GPHN: variants seen among roughly 807,000 people sequenced by gnomAD.
The protein encoded by GPHN is gephyrin.
A neutral mutation model predicts 95.5 loss-of-function variants in GPHN; 17 were observed. The observed-to-expected ratio is 0.18, with a 90% confidence interval of 0.12 to 0.27. The LOEUF (loss-of-function observed/expected upper bound fraction) is 0.27, where lower values mean the gene tolerates loss of function less well. Ranked by LOEUF, GPHN falls within the 10% of genes least tolerant of loss-of-function variation. GPHN has a pLI of 1.00. For missense variants in GPHN, 660 were observed against 978.1 expected, an observed-to-expected ratio of 0.67 and a Z score of 4.34; for synonymous variants, 320 against 322.5, an observed-to-expected ratio of 0.99 and a Z score of 0.08.
the GPHN span, chr14:67,383,462 A>G: frequency 9.3e-6 from 15 of 1,611,176 alleles, no homozygotes; most frequent in Admixed American, 1.7e-5. Flanking sequence ...ACAGAGTCCA[A>G]TTTAAGGAAC....
At chr14:66,612,287 T>C (rs2153284404) in intron 1 of GPHN, among the ~76,000 whole-genome samples, 1 of 152,114 alleles carries the variant, frequency 6.6e-6, no homozygotes, top group East Asian at 1.9e-4. Context: ...TTTAATTTTT[T>C]TGTATTTATT....
At chr14:67,260,155 C>T in the GPHN span, among the ~76,000 whole-genome samples, 1 of 152,152 alleles carries the variant, frequency 6.6e-6, no homozygotes, top group Non-Finnish European at 1.5e-5. Context: ...TAGGTTTAAG[C>T]GCCAGCTCTC....
chr14:66,514,764 G>C (rs1012189474), intron 1 of GPHN, among the ~76,000 whole-genome samples: 3 of 151,970 alleles, frequency 2.0e-5, no homozygotes, highest in Admixed American at 6.6e-5. Flanking sequence ...CACAGCTCAG[G>C]ACTGACTTTG....
chr14:66,959,177 T>C (rs569836039), intron 8 of GPHN, among the ~76,000 whole-genome samples: 1 of 152,292 alleles, frequency 6.6e-6, no homozygotes, highest in Non-Finnish European at 1.5e-5. Context: ...AGATCTATAA[T>C]CATTGCTTTA....
At chr14:67,598,732 C>CA in the GPHN span, among the ~76,000 whole-genome samples, 11 of 103,804 alleles carry the variant, frequency 1.1e-4, no homozygotes, top group Non-Finnish European at 1.8e-4. Context: ...TTTTTTGAGA[C>CA]AGAGTCTCCC....
the GPHN span, chr14:67,695,917 A>G: frequency 3.5e-6 from 2 of 575,262 alleles, no homozygotes; most frequent in Non-Finnish European, 6.2e-6. Context: ...CTAATCCCCA[A>G]CCATCTAGGG....
chr14:67,343,478 T>A, the GPHN span: 1 of 1,358,236 alleles, frequency 7.4e-7, no homozygotes, highest in Non-Finnish European at 1.1e-6. Context: ...CACAAAGTCT[T>A]CCTAATCATT....
chr14:67,555,860 G>A, the GPHN span: 1 of 1,613,608 alleles, frequency 6.2e-7, no homozygotes, highest in South Asian at 1.1e-5. Flanking sequence ...TGGAGGCAGA[G>A]CAGAGAGCAG....
chr14:67,701,206 A>G, the GPHN span, among the ~76,000 whole-genome samples: 4 of 151,952 alleles, frequency 2.6e-5, no homozygotes, highest in Admixed American at 2.0e-4. Flanking sequence ...ATTTTTTGAG[A>G]TATAAATTTG....
the GPHN span, among the ~76,000 whole-genome samples, chr14:67,234,637 C>G: frequency 5.2e-3 from 784 of 152,172 alleles, 9 homozygotes; most frequent in African/African-American, 0.018. Context: ...GCAACTTCCT[C>G]CCACTGGGTT....
At chr14:66,935,345 T>C (rs1318368830) in intron 8 of GPHN, among the ~76,000 whole-genome samples, 5 of 152,038 alleles carry the variant, frequency 3.3e-5, no homozygotes, top group African/African-American at 1.2e-4. Context: ...GAACATCTAC[T>C]GATTGCCCTG....
chr14:66,914,965 G>C (rs182642461), intron 5 of GPHN, among the ~76,000 whole-genome samples: 5 of 152,154 alleles, frequency 3.3e-5, no homozygotes, highest in Admixed American at 2.0e-4. Context: ...AAGATTAAAG[G>C]TCAGAAAATA....
intron 3 of GPHN, among the ~76,000 whole-genome samples, chr14:66,784,201 A>G (rs1016717681): frequency 1.3e-5 from 2 of 152,236 alleles, no homozygotes; most frequent in Non-Finnish European, 2.9e-5. Flanking sequence ...TGAAAATTAT[A>G]GAACTGAGAA....
At chr14:67,425,508 A>G in the GPHN span, among the ~76,000 whole-genome samples, 1 of 152,046 alleles carries the variant, frequency 6.6e-6, no homozygotes, top group Non-Finnish European at 1.5e-5. Flanking sequence ...CCAGCACTGC[A>G]TTCCAGCCTG....
At chr14:66,964,119 T>C (rs1255579823) in intron 8 of GPHN, among the ~76,000 whole-genome samples, 1 of 152,160 alleles carries the variant, frequency 6.6e-6, no homozygotes, top group Non-Finnish European at 1.5e-5. Flanking sequence ...ATAATCAACA[T>C]ATATTAATAA....
chr14:67,072,857 A>G (rs1232436569), intron 11 of GPHN, among the ~76,000 whole-genome samples: 1 of 151,890 alleles, frequency 6.6e-6, no homozygotes, highest in African/African-American at 2.4e-5. Flanking sequence ...TGATTTGGTA[A>G]TACTGTTGCA....
intron 9 of GPHN, among the ~76,000 whole-genome samples, chr14:66,994,995 A>C (rs1214064182): frequency 6.6e-6 from 1 of 152,196 alleles, no homozygotes; most frequent in Non-Finnish European, 1.5e-5. Context: ...TTGGCACTGG[A>C]AATACAGTTA....
At chr14:66,637,322 C>A (rs1215462618) in intron 1 of GPHN, among the ~76,000 whole-genome samples, 12 of 151,992 alleles carry the variant, frequency 7.9e-5, no homozygotes, top group Admixed American at 7.9e-4. Context: ...AGTTAGTTAT[C>A]TTTACAAATT....
the GPHN span, chr14:67,733,643 A>G: frequency 2.0e-5 from 15 of 762,578 alleles, 1 homozygote; most frequent in Non-Finnish European, 3.4e-5. Flanking sequence ...TCTGGCATAT[A>G]TTGTATTTTA....
Sources: gnomAD v4.1 joint callset for allele counts (sites outside exome capture counted in the v4.1 genomes callset) on GRCh38, gnomAD v4.1.1 for gene constraint, MANE v1.5 for transcripts, NCBI Gene and HGNC (gene_info 2026-07-23, HGNC 2026-07-21) for gene names.